Variants in IGSF21 observed in about 807,000 individuals in gnomAD.
The protein encoded by IGSF21 is immunoglobulin superfamily member 21.
IGSF21 carries 28 observed loss-of-function variants against 46.8 expected under a neutral mutation model. The observed-to-expected ratio is 0.60, with a 90% CI of 0.44 to 0.82. IGSF21 has a LOEUF of 0.82. Ranked by LOEUF, IGSF21 falls within the 40% of genes least tolerant of loss-of-function variation. The pLI is 0.00. For missense variants in IGSF21, 624 were observed against 665.5 expected, an observed-to-expected ratio of 0.94 and a Z score of 0.69; for synonymous variants, 284 against 273.6, an observed-to-expected ratio of 1.04 and a Z score of -0.38.
chr1:18,301,660 C>A (rs997444126), intron 3 of IGSF21, among the ~76,000 whole-genome samples: 1 of 152,176 alleles, frequency 6.6e-6, no homozygotes, highest in Admixed American at 6.5e-5. Flanking sequence ...GTAATTGATG[C>A]CCACCCTGTG....
At chr1:18,374,599 T>A (rs185946292) in intron 6 of IGSF21, among the ~76,000 whole-genome samples, 1 of 151,530 alleles carries the variant, frequency 6.6e-6, no homozygotes, top group African/African-American at 2.4e-5. Context: ...CTCTCCTTGG[T>A]GCAAGCCCTG....
At chr1:18,177,906 A>ATTGGTGAG (rs1361490786) in intron 1 of IGSF21, among the ~76,000 whole-genome samples, 2 of 151,966 alleles carry the variant, frequency 1.3e-5, no homozygotes, top group Non-Finnish European at 2.9e-5. Context: ...AGGCGCTGAG[A>ATTGGTGAG]TTGGTGAGTT....
At chr1:18,292,811 C>T (rs942737098) in intron 3 of IGSF21, among the ~76,000 whole-genome samples, 4 of 152,280 alleles carry the variant, frequency 2.6e-5, no homozygotes, top group Admixed American at 6.5e-5. Flanking sequence ...CAAAGCTGGT[C>T]GGCTGCAACT....
chr1:18,257,571 T>C (rs1450401942), intron 2 of IGSF21, among the ~76,000 whole-genome samples: 1 of 151,980 alleles, frequency 6.6e-6, no homozygotes, highest in Non-Finnish European at 1.5e-5. Context: ...TGATTAGAGT[T>C]TCTAGGATTC....
chr1:18,147,512 A>G (rs1293688121), intron 1 of IGSF21, among the ~76,000 whole-genome samples: 1 of 151,442 alleles, frequency 6.6e-6, no homozygotes, highest in Middle Eastern at 3.2e-3. Context: ...CCCTGACACC[A>G]CCCCATTGAA....
Position 18,365,682 on chromosome 1 carries a change from G to A in IGSF21, c.1000G>A (p.Ala334Thr), listed in dbSNP as rs1168471537. ...CCCAGCTCTGTCGATGCCCATGCAGGCAGAGGTCACGCTGGGTAAGACTTG... is the reference window on the plus strand; with the variant it reads ...CCCAGCTCTGTCGATGCCCATGCAGACAGAGGTCACGCTGGGTAAGACTTG... ...KHPALSMPMQ[A>T]EVTLVAPKGP... is the part of the protein sequence containing the mutation. The change falls in exon 6 of 10, where the codon GCA (alanine) becomes ACA (threonine). Residue 334 changes from alanine (A) to threonine (T), a missense_variant. Ala to Thr is a moderately conservative substitution (Grantham distance 58). Transcript: ENST00000251296. This position sits in a 1 kb window ranked among gnomAD's most constrained non-coding sequence, Gnocchi z 4.8. The A allele has an allele frequency of 1.9e-5, 31 of 1,612,694 alleles. No homozygotes were observed. The highest frequency in any genetic ancestry group is 2.5e-5 in the Non-Finnish European group (30 of 1,179,010).
At chr1:18,375,150 G>A (rs1322518157) in intron 6 of IGSF21, among the ~76,000 whole-genome samples, 1 of 152,194 alleles carries the variant, frequency 6.6e-6, no homozygotes, top group Non-Finnish European at 1.5e-5. Context: ...ATGGAGCACT[G>A]TCACTCTCAT....
intron 1 of IGSF21, among the ~76,000 whole-genome samples, chr1:18,144,237 C>T (rs537503082): frequency 6.6e-6 from 1 of 152,292 alleles, no homozygotes; most frequent in African/African-American, 2.4e-5. Context: ...GGCCCACAGC[C>T]CCTTCCCAGG....
intron 1 of IGSF21, among the ~76,000 whole-genome samples, chr1:18,220,591 G>A (rs2084500476): frequency 6.6e-6 from 1 of 152,128 alleles, no homozygotes; most frequent in Non-Finnish European, 1.5e-5. Flanking sequence ...CATGGCCTGT[G>A]TTGAGGTGAG....
chr1:18,223,887 C>A (rs943196803), intron 1 of IGSF21, among the ~76,000 whole-genome samples: 1 of 152,166 alleles, frequency 6.6e-6, no homozygotes, highest in Non-Finnish European at 1.5e-5. Flanking sequence ...CAGCTTCCTG[C>A]GGGGATGAGA....
chr1:18,378,251 C>A lies in IGSF21; in HGVS notation c.1334-5C>A, dbSNP rs781635799. 2 of 1,613,736 alleles carry A rather than the reference C, an allele frequency of 1.2e-6. No homozygotes were observed. Among genetic ancestry groups the A allele is most frequent in the South Asian group, 2.2e-5 (2 of 91,056 alleles). On this transcript the variant is annotated splice_region_variant and splice_polypyrimidine_tract_variant and intron_variant, in intron 9 of 9. Coordinates refer to ENST00000251296, the MANE Select transcript of IGSF21 (RefSeq NM_032880.5). ...CTCTGACCCTTTCCCTGATTCCTGG[C>A]ACAGGTTCCATTGGCCCCACTGGTG...
intron 1 of IGSF21, chr1:18,114,588 A>G (rs1290930147): frequency 6.6e-6 from 1 of 152,222 alleles, no homozygotes; most frequent in Non-Finnish European, 1.5e-5. Flanking sequence ...TTTCTCAGAT[A>G]AAGTAGCAGA....
intron 1 of IGSF21, among the ~76,000 whole-genome samples, chr1:18,212,134 G>A (rs943012384): frequency 2.0e-5 from 3 of 152,248 alleles, no homozygotes; most frequent in South Asian, 2.1e-4. Flanking sequence ...GGTCATCTGC[G>A]GCAGCACGGC....
At chr1:18,225,840 C>G (rs1482803125) in intron 1 of IGSF21, among the ~76,000 whole-genome samples, 1 of 152,198 alleles carries the variant, frequency 6.6e-6, no homozygotes, top group Non-Finnish European at 1.5e-5. Context: ...TCACCTCTTC[C>G]GAGAGGCTGT....
At chr1:18,231,922 C>CGTGTGTGTGTGTGTGTGTGTGTGTGT (rs150869622) in intron 2 of IGSF21, among the ~76,000 whole-genome samples, 33 of 136,518 alleles carry the variant, frequency 2.4e-4, no homozygotes, top group Middle Eastern at 7.5e-3. Context: ...ATCATTAGAT[C>CGTGTGTGTGTGTGTGTGTGTGTGTGT]GTGTGTGTGT....
chr1:18,206,548 CAAA>C (rs1182210491), intron 1 of IGSF21, among the ~76,000 whole-genome samples: 14 of 78,832 alleles, frequency 1.8e-4, no homozygotes, highest in Non-Finnish European at 2.1e-4. Context: ...GACCCCGTCT[CAAA>C]AAAAAAAAAA....
chr1:18,108,798 T>C (rs1261704319), intron 1 of IGSF21, among the ~76,000 whole-genome samples: 2 of 151,136 alleles, frequency 1.3e-5, no homozygotes, highest in African/African-American at 4.9e-5. Flanking sequence ...ACTATTTCTG[T>C]GTGCACAGGA....
chr1:18,287,774 T>C (rs2085229468), intron 2 of IGSF21, among the ~76,000 whole-genome samples: 1 of 152,298 alleles, frequency 6.6e-6, no homozygotes, highest in East Asian at 1.9e-4. Context: ...AAATTCTCGG[T>C]CCCTGCTCTC....
intron 6 of IGSF21, among the ~76,000 whole-genome samples, chr1:18,366,591 T>C (rs2086167489): frequency 6.6e-6 from 1 of 152,136 alleles, no homozygotes; most frequent in South Asian, 2.1e-4. Context: ...TGGATCGGGT[T>C]CGAGAATTCT....
Sources: allele counts gnomAD v4.1 joint callset (sites outside exome capture counted in the v4.1 genomes callset), GRCh38; gene constraint gnomAD v4.1.1; non-coding constraint Gnocchi (gnomAD v3.1); transcripts MANE v1.5; gene names NCBI Gene and HGNC (gene_info 2026-07-23, HGNC 2026-07-21).